SDR16C5: variants seen among roughly 807,000 people sequenced by gnomAD.
SDR16C5 encodes the protein epidermal retinol dehydrogenase 2.
A neutral mutation model predicts 27.7 loss-of-function variants in SDR16C5; 20 were observed. The ratio of observed to expected loss-of-function variants is 0.72; its 90% CI spans 0.51 to 1.05. SDR16C5 has a LOEUF of 1.05. Ranked by LOEUF, SDR16C5 falls within the 50% of genes least tolerant of loss-of-function variation. SDR16C5 has a pLI of 0.00. For synonymous variants in SDR16C5, 139 were observed against 132.3 expected (o/e 1.05, Z -0.35); for missense variants, 374 against 366.3 (o/e 1.02, Z -0.17).
intron 3 of SDR16C5, among the ~76,000 whole-genome samples, chr8:56,311,797 C>T (rs946042280): frequency 3.3e-5 from 5 of 152,248 alleles, no homozygotes; most frequent in Non-Finnish European, 7.3e-5. Context: ...TGTCTAAGTG[C>T]AGTTGCTCGC....
intron 6 of SDR16C5, chr8:56,303,956 G>T: frequency 1.4e-6 from 1 of 702,776 alleles, no homozygotes; most frequent in African/African-American, 1.7e-5. Flanking sequence ...TAAAGGGCAC[G>T]CTCAGAGTCA....
At chr8:56,318,251 C>A (rs1040966466) in intron 1 of SDR16C5, among the ~76,000 whole-genome samples, 1 of 152,184 alleles carries the variant, frequency 6.6e-6, no homozygotes, top group Non-Finnish European at 1.5e-5. Flanking sequence ...ATGCTCTGGT[C>A]AAATGAAGAA....
chr8:56,314,603 G>A (rs752038888), intron 2 of SDR16C5, among the ~76,000 whole-genome samples: 11 of 152,172 alleles, frequency 7.2e-5, no homozygotes, highest in Non-Finnish European at 1.3e-4. Context: ...AGCTGAATTT[G>A]TGAGATCAGC....
At chr8:56,304,781 C>G (rs1222880415) in intron 6 of SDR16C5, among the ~76,000 whole-genome samples, 1 of 152,086 alleles carries the variant, frequency 6.6e-6, no homozygotes, top group African/African-American at 2.4e-5. Context: ...ACTGCAGCCT[C>G]AAACCCCTGG....
At chr8:56,315,705 G>A (rs1009168632) in intron 2 of SDR16C5, among the ~76,000 whole-genome samples, 1 of 152,150 alleles carries the variant, frequency 6.6e-6, no homozygotes, top group African/African-American at 2.4e-5. Flanking sequence ...ATAGATGCAA[G>A]TGGCAGCTAT....
rs1336944871 is a variant in SDR16C5, at chr8:56,301,130, A to T, written c.*350T>A. ...TCAGCCCTGCTCCCCAAGGCAGGTC[A>T]ACCACAGCCGCTGGCTCCATTTGAG... On this transcript the variant is annotated 3_prime_UTR_variant, in exon 7 of 7. Coordinates refer to ENST00000303749, the MANE Select transcript of SDR16C5 (RefSeq NM_138969.4). 1 of 220,862 alleles carries T rather than the reference A, an allele frequency of 4.5e-6. No homozygotes were observed. The highest frequency in any genetic ancestry group is 9.1e-6 in the Non-Finnish European group (1 of 109,980). The allele number at this position is 220,862 out of a possible 1,614,324, so 13.7% of individuals were successfully genotyped here.
intron 2 of SDR16C5, among the ~76,000 whole-genome samples, chr8:56,312,570 T>A (rs1296430898): frequency 6.6e-6 from 1 of 151,740 alleles, no homozygotes; most frequent in Non-Finnish European, 1.5e-5. Context: ...CCAGGCATGG[T>A]GATGCGTGCC....
intron 3 of SDR16C5, among the ~76,000 whole-genome samples, 183 bp downstream of exon 3, chr8:56,311,974 G>A (rs970812539): frequency 6.6e-6 from 1 of 152,230 alleles, no homozygotes; most frequent in Admixed American, 6.5e-5. Context: ...TCCCTAAGCA[G>A]AGGTCCTGGG....
intron 1 of SDR16C5, among the ~76,000 whole-genome samples, chr8:56,319,683 T>A (rs1815284625): frequency 6.6e-6 from 1 of 152,070 alleles, no homozygotes. Context: ...GGGGTTGATA[T>A]CCACCCGGAA....
intron 1 of SDR16C5, among the ~76,000 whole-genome samples, chr8:56,318,944 G>T (rs1263613767): frequency 6.6e-6 from 1 of 152,050 alleles, no homozygotes; most frequent in Non-Finnish European, 1.5e-5. Context: ...CTGCAACTTT[G>T]GTAGAAATGA....
intron 5 of SDR16C5, 140 bp from the exon 6 acceptor site, chr8:56,305,862 T>A: frequency 1.2e-6 from 1 of 825,118 alleles, no homozygotes. Context: ...TATTTTTATA[T>A]TTACTCCTTT....
intron 6 of SDR16C5, chr8:56,303,842 T>C: frequency 3.1e-6 from 2 of 637,020 alleles, no homozygotes; most frequent in Non-Finnish European, 5.7e-6. Flanking sequence ...ACTTAGTGTG[T>C]TGTGAATGCA....
At chr8:56,319,556 C>G (rs142219729) in intron 1 of SDR16C5, among the ~76,000 whole-genome samples, 12 of 152,312 alleles carry the variant, frequency 7.9e-5, no homozygotes, top group African/African-American at 2.9e-4. Context: ...TCCAAACAGG[C>G]GCCCTCGGCT....
chr8:56,313,733 C>T (rs914347112), intron 2 of SDR16C5, among the ~76,000 whole-genome samples: 6 of 152,182 alleles, frequency 3.9e-5, no homozygotes, highest in African/African-American at 1.2e-4. Flanking sequence ...TCTGCCTGTC[C>T]TGTTTTCATC....
chr8:56,304,963 G>A (rs1003387968), intron 6 of SDR16C5, among the ~76,000 whole-genome samples: 1 of 152,012 alleles, frequency 6.6e-6, no homozygotes, highest in Non-Finnish European at 1.5e-5. Flanking sequence ...GGAGAGATGG[G>A]GTCTTCCTTT....
chr8:56,307,859 T>C (rs2129258251), intron 4 of SDR16C5, among the ~76,000 whole-genome samples: 1 of 152,304 alleles, frequency 6.6e-6, no homozygotes, highest in Middle Eastern at 3.4e-3. Flanking sequence ...ACAAAAGGCT[T>C]ATACTTGTTT....
Position 56,315,998 on chromosome 8 carries a change from A to G in SDR16C5, c.333+17T>C. On this transcript the variant is annotated intron_variant, in intron 2 of 6. Transcript: ENST00000303749. Reference sequence around the variant, plus strand: ...GTGATGTGTATCAAATTATAATAGTAAACACACAAGAGTTACCTGGTCGGC... The same window carrying G: ...GTGATGTGTATCAAATTATAATAGTGAACACACAAGAGTTACCTGGTCGGC... 1 of 1,559,836 alleles carries G rather than the reference A, an allele frequency of 6.4e-7. No homozygotes were observed. The highest frequency in any genetic ancestry group is 8.8e-7 in the Non-Finnish European group (1 of 1,133,322).
intron 6 of SDR16C5, among the ~76,000 whole-genome samples, chr8:56,302,424 C>T (rs544818097): frequency 6.6e-6 from 1 of 152,272 alleles, no homozygotes; most frequent in Non-Finnish European, 1.5e-5. Flanking sequence ...CCTGTAATCC[C>T]AGCACTTTAG....
intron 3 of SDR16C5, among the ~76,000 whole-genome samples, chr8:56,311,574 T>G (rs1183073561): frequency 6.6e-6 from 1 of 152,188 alleles, no homozygotes; most frequent in African/African-American, 2.4e-5. Flanking sequence ...AGTGGGTGGC[T>G]TTAGAAGTCA....
Sources: gnomAD v4.1 joint callset for allele counts (sites outside exome capture counted in the v4.1 genomes callset) on GRCh38, gnomAD v4.1.1 for gene constraint, MANE v1.5 for transcripts, NCBI Gene and HGNC (gene_info 2026-07-23, HGNC 2026-07-21) for gene names.